The following OSBPL10 variants were observed in gnomAD, a reference collection of about 807,000 sequenced individuals.
OSBPL10 encodes oxysterol-binding protein-related protein 10.
Under a neutral mutation model 81.7 loss-of-function variants are expected in OSBPL10, and 49 were observed. The ratio of observed to expected loss-of-function variants is 0.60; its 90% confidence interval spans 0.48 to 0.76. The LOEUF (loss-of-function observed/expected upper bound fraction) is 0.76, where lower values mean the gene tolerates loss of function less well. Ranked by LOEUF, OSBPL10 falls within the 30% of genes least tolerant of loss-of-function variation. OSBPL10 has a pLI of 0.00. For missense variants in OSBPL10, 923 were observed against 987.8 expected, an observed-to-expected ratio of 0.93 and a Z score of 0.88; for synonymous variants, 419 against 383.6, an observed-to-expected ratio of 1.09 and a Z score of -1.08.
chr3:31,983,061 T>C (rs1470782253), upstream of OSBPL10, among the ~76,000 whole-genome samples: 1 of 152,208 alleles, frequency 6.6e-6, no homozygotes, highest in Non-Finnish European at 1.5e-5. Flanking sequence ...TGAGAAGGTG[T>C]GGAATACAGC....
Position 31,670,886 on chromosome 3 carries a change from T to G in OSBPL10, c.1824A>C (p.Gly608=). The G allele has an allele frequency of 1.9e-6, 3 of 1,614,066 alleles. No individual in the cohort carries two copies. In the South Asian group the frequency reaches 3.3e-5, roughly 18 times the overall value. ...TGGCACAGTTGATGCTGACTTTTCCTCCGAGCTCCACCCACGGGATGGTGA... is the reference window on the plus strand; with the variant it reads ...TGGCACAGTTGATGCTGACTTTTCCGCCGAGCTCCACCCACGGGATGGTGA... ...SILTIPWVEL[G]GKVSINCAKT... The change falls in exon 9 of 12, where the codon GGA becomes GGC. Residue 608 remains glycine, a synonymous_variant. Coordinates refer to ENST00000396556, the MANE Select transcript of OSBPL10 (RefSeq NM_017784.5).
chr3:32,042,972 C>G (rs1270416307), intron 2 of OSBPL10, among the ~76,000 whole-genome samples: 4 of 152,152 alleles, frequency 2.6e-5, no homozygotes, highest in African/African-American at 7.2e-5. Context: ...CAAGTATTGT[C>G]TTGATAAACA....
intron 2 of OSBPL10, among the ~76,000 whole-genome samples, chr3:32,036,347 C>CA (rs917403427): frequency 4.9e-4 from 74 of 151,858 alleles, no homozygotes; most frequent in Admixed American, 7.9e-4. Context: ...TGCACCCAGC[C>CA]AAAAAAAATT....
intron 5 of OSBPL10, among the ~76,000 whole-genome samples, chr3:31,737,145 A>T (rs1367597794): frequency 6.6e-6 from 1 of 152,148 alleles, no homozygotes; most frequent in Non-Finnish European, 1.5e-5. Context: ...GGGGAACACA[A>T]CTTTCTGTGG....
At chr3:31,672,132 G>A (rs1386109454) in intron 8 of OSBPL10, among the ~76,000 whole-genome samples, 2 of 151,992 alleles carry the variant, frequency 1.3e-5, no homozygotes, top group East Asian at 3.9e-4. Context: ...AGAGTGAAGA[G>A]TGGGGTCAAT....
intron 7 of OSBPL10, among the ~76,000 whole-genome samples, chr3:31,686,838 G>T (rs1700803730): frequency 6.6e-6 from 1 of 152,136 alleles, no homozygotes; most frequent in South Asian, 2.1e-4. Flanking sequence ...TCTGGGGGCT[G>T]CTCTTCCAAT....
chr3:31,794,764 C>T, intron 4 of OSBPL10: 1 of 315,742 alleles, frequency 3.2e-6, no homozygotes, highest in Non-Finnish European at 6.5e-6. Flanking sequence ...AATGTGTAGC[C>T]CCATCTTGGG....
intron 3 of OSBPL10, among the ~76,000 whole-genome samples, chr3:31,872,655 T>C (rs1304113717): frequency 2.8e-5 from 4 of 141,574 alleles, no homozygotes; most frequent in African/African-American, 1.1e-4. Context: ...ATGATCTCAC[T>C]CTGTCACCCA....
intron 4 of OSBPL10, chr3:31,822,033 T>G (rs1167921228): frequency 6.6e-6 from 1 of 152,238 alleles, no homozygotes; most frequent in Non-Finnish European, 1.5e-5. Flanking sequence ...CTTCCGTATG[T>G]GTGTGTAGTA....
chr3:31,946,747 T>C (rs1345155089), intron 1 of OSBPL10, among the ~76,000 whole-genome samples: 3 of 152,218 alleles, frequency 2.0e-5, no homozygotes, highest in African/African-American at 7.2e-5. Flanking sequence ...TTTGGTCCCA[T>C]TCTAGCAGAG....
chr3:31,949,332 C>T (rs1697794979), intron 1 of OSBPL10, among the ~76,000 whole-genome samples: 1 of 152,186 alleles, frequency 6.6e-6, no homozygotes, highest in Non-Finnish European at 1.5e-5. Flanking sequence ...ACATCCTTCT[C>T]CATTCTCATG....
At chr3:31,695,059 A>T (rs1427301575) in intron 7 of OSBPL10, among the ~76,000 whole-genome samples, 3 of 152,130 alleles carry the variant, frequency 2.0e-5, no homozygotes, top group African/African-American at 7.2e-5. Context: ...TCAAAGCATG[A>T]ATCTTGTTTC....
intron 1 of OSBPL10, among the ~76,000 whole-genome samples, chr3:31,882,531 G>A (rs1350460645): frequency 1.3e-5 from 2 of 152,210 alleles, no homozygotes; most frequent in South Asian, 2.1e-4. Flanking sequence ...AATCACTGGC[G>A]TAAACTACCA....
At chr3:31,770,133 G>A (rs12497607) in intron 4 of OSBPL10, among the ~76,000 whole-genome samples, 85,236 of 151,946 alleles carry the variant, frequency 0.56, 26,744 homozygotes, top group East Asian at 0.79. Context: ...GTCAGGCAAG[G>A]GACTACTGAT....
chr3:31,697,449 T>C (rs12485726), intron 7 of OSBPL10, among the ~76,000 whole-genome samples: 34,975 of 151,890 alleles, frequency 0.23, 4,894 homozygotes, highest in East Asian at 0.57. Flanking sequence ...TAATAATAAA[T>C]GGCAATTAAT....
intron 4 of OSBPL10, among the ~76,000 whole-genome samples, chr3:31,824,759 C>T (rs182473758): frequency 6.6e-6 from 1 of 152,222 alleles, no homozygotes; most frequent in East Asian, 1.9e-4. Flanking sequence ...GCTTCTCCTC[C>T]TTGGCTGTTT....
At chr3:31,733,095 C>T (rs1036912419) in intron 6 of OSBPL10, 162 bp downstream of exon 6, 27 of 892,766 alleles carry the variant, frequency 3.0e-5, no homozygotes, top group Non-Finnish European at 3.2e-5. Context: ...TGAGAAGTGC[C>T]GGGCATGCAC....
intron 1 of OSBPL10, among the ~76,000 whole-genome samples, chr3:31,907,497 G>T (rs976569268): frequency 2.6e-5 from 4 of 151,238 alleles, no homozygotes; most frequent in African/African-American, 9.7e-5. Context: ...CATGGTGGCG[G>T]GCATCTATCA....
At chr3:31,908,231 T>G (rs910039017) in intron 1 of OSBPL10, among the ~76,000 whole-genome samples, 1 of 151,842 alleles carries the variant, frequency 6.6e-6, no homozygotes, top group Non-Finnish European at 1.5e-5. Flanking sequence ...GCAGGCATGA[T>G]AGGGACTGGG....
Sources: gnomAD v4.1 joint callset for allele counts (sites outside exome capture counted in the v4.1 genomes callset) on GRCh38, gnomAD v4.1.1 for gene constraint, MANE v1.5 for transcripts, NCBI Gene and HGNC (gene_info 2026-07-23, HGNC 2026-07-21) for gene names.